The following SGSM2 variants were observed in gnomAD, a reference collection of about 807,000 sequenced individuals.
The protein encoded by SGSM2 is small G protein signaling modulator 2, also known as RUN and TBC1 domain containing 1.
Under a neutral mutation model 126.6 loss-of-function variants are expected in SGSM2, and 89 were observed. That is an observed-to-expected ratio of 0.70 (90% CI 0.59 to 0.84). The LOEUF is 0.84. SGSM2 is among the 40% of genes least tolerant of loss of function. The probability of loss-of-function intolerance (pLI) is 0.00; values close to 1 mark genes in which losing one functional copy is unlikely to be tolerated. For missense variants in SGSM2, 1,404 were observed against 1,416.6 expected (o/e 0.99, Z 0.14); for synonymous variants, 614 against 574.3 (o/e 1.07, Z -0.99).
chr17:2,338,361 C>G (rs2064183062), intron 1 of SGSM2, among the ~76,000 whole-genome samples: 1 of 152,170 alleles, frequency 6.6e-6, no homozygotes, highest in Admixed American at 6.5e-5. Context: ...GGAAGCCCCC[C>G]TACTTCAGAA....
intron 2 of SGSM2, among the ~76,000 whole-genome samples, chr17:2,352,136 C>T (rs944225525): frequency 2.6e-5 from 4 of 152,206 alleles, no homozygotes; most frequent in African/African-American, 7.2e-5. Flanking sequence ...AGTAAAGATA[C>T]TTGATGCTTC....
chr17:2,373,848 T>A (rs569220060), intron 17 of SGSM2: 1 of 272,792 alleles, frequency 3.7e-6, no homozygotes, highest in Admixed American at 4.8e-5. Context: ...TAGTCCCAGA[T>A]CCACTACTGA....
intron 1 of SGSM2, among the ~76,000 whole-genome samples, chr17:2,341,662 A>G (rs545571526): frequency 3.6e-4 from 55 of 152,134 alleles, no homozygotes; most frequent in Non-Finnish European, 4.6e-4. Flanking sequence ...GCACTAGGTA[A>G]TCTCTATAAT....
At chr17:2,370,327 G>A (rs1459513759) in intron 12 of SGSM2, among the ~76,000 whole-genome samples, 1 of 152,250 alleles carries the variant, frequency 6.6e-6, no homozygotes, top group East Asian at 1.9e-4. Context: ...CCCTTAAGCA[G>A]TGCCCTGCCC....
In SGSM2 at chr17:2,337,608, TG is replaced by T; in HGVS notation, c.-77del. The T allele has an allele frequency of 1.0e-6, 1 of 1,000,450 alleles. No homozygotes were observed. The highest frequency in any genetic ancestry group is 1.3e-6 in the Non-Finnish European group (1 of 785,682). 62.0% of individuals were successfully genotyped at this position (1,000,450 alleles called of 1,614,324 possible). On this transcript the variant is annotated 5_prime_UTR_variant, in exon 1 of 24. It removes the in-frame stop codon of an upstream open reading frame in the 5' UTR. Coordinates refer to ENST00000268989, the MANE Select transcript of SGSM2 (RefSeq NM_014853.3). The surrounding 1 kb of genome is among the most constrained non-coding windows in gnomAD (Gnocchi z 5.1). Reference sequence around the variant, plus strand: ...GCGGGCGGGGGCTCCGCCTTGCGCGTGGGGCGCTGAGCCGAGAGGCGCGGAG... The same window carrying T: ...GCGGGCGGGGGCTCCGCCTTGCGCGTGGGCGCTGAGCCGAGAGGCGCGGAG...
rs1474215691 is a variant in SGSM2, at chr17:2,372,524, G to A, written c.1788+36G>A. 2 of 1,587,532 alleles carry A rather than the reference G, an allele frequency of 1.3e-6. No homozygotes were observed. Among genetic ancestry groups the A allele is most frequent in the Middle Eastern group, 1.7e-4 (1 of 5,806 alleles). ...TGGGGTTCCAGGGCCACAGGTCGAG[G>A]GGCTGGGGCGGGCAGGAGTGAGGGC... On this transcript the variant is annotated intron_variant, in intron 15 of 23. Coordinates refer to ENST00000268989, the MANE Select transcript of SGSM2 (RefSeq NM_014853.3). This position sits in a 1 kb window ranked among gnomAD's most constrained non-coding sequence, Gnocchi z 6.0.
At chr17:2,346,279 G>A (rs2064595112) in intron 2 of SGSM2, among the ~76,000 whole-genome samples, 1 of 152,186 alleles carries the variant, frequency 6.6e-6, no homozygotes, top group African/African-American at 2.4e-5. Context: ...AGGGACCCTT[G>A]TGTACTGGGC....
Position 2,367,714 on chromosome 17 carries a change from G to C in SGSM2, c.1423+309G>C, listed in dbSNP as rs1229906373. On this transcript the variant is annotated intron_variant, in intron 12 of 23. Coordinates refer to ENST00000268989, the MANE Select transcript of SGSM2 (RefSeq NM_014853.3). This position sits in a 1 kb window ranked among gnomAD's most constrained non-coding sequence, Gnocchi z 4.0. The stretch of plus-strand genomic sequence containing the variant: ...GGATCTCTGAGCCCATTCCTACTCC[G>C]GGGGTCAGGCTGGCAAATGCCAGAC... Among the ~76,000 whole-genome samples the C allele has an allele frequency of 6.6e-6, 1 of 152,222 alleles. No individual in the cohort carries two copies. Among genetic ancestry groups the C allele is most frequent in the Non-Finnish European group, 1.5e-5 (1 of 68,044 alleles).
Position 2,379,817 on chromosome 17 carries a change from G to A in SGSM2, c.*297G>A. The A allele has an allele frequency of 7.6e-7, 1 of 1,322,896 alleles. No individual in the cohort carries two copies. The highest frequency in any genetic ancestry group is 9.7e-7 in the Non-Finnish European group (1 of 1,031,432). 81.9% of individuals were successfully genotyped at this position (1,322,896 alleles called of 1,614,324 possible). A position where few individuals can be genotyped will look rare whatever the true frequency, so the allele number is the denominator to read the frequency against. ...TCTGGGAGTAGCCCCACTGCCACCT[G>A]CAGCCGCAGCCTGGACTGCTGCCCA... is the stretch of plus-strand genomic sequence containing the variant. On this transcript the variant is annotated 3_prime_UTR_variant, in exon 24 of 24. Coordinates refer to ENST00000268989, the MANE Select transcript of SGSM2 (RefSeq NM_014853.3).
At chr17:2,357,648 C>A (rs1185384308) in intron 2 of SGSM2, among the ~76,000 whole-genome samples, 1 of 152,148 alleles carries the variant, frequency 6.6e-6, no homozygotes, top group African/African-American at 2.4e-5. Context: ...CAGGTGCCCA[C>A]CACGACACCC....
At chr17:2,350,112 G>A (rs1260575548) in intron 2 of SGSM2, among the ~76,000 whole-genome samples, 3 of 151,594 alleles carry the variant, frequency 2.0e-5, no homozygotes, top group Non-Finnish European at 2.9e-5. Context: ...AGTAGAGATG[G>A]GATTTCACCA....
chr17:2,363,798 C>CGA lies in SGSM2; in HGVS notation c.807+201_807+202dup, dbSNP rs2065432288. On this transcript the variant is annotated intron_variant, in intron 7 of 23. Coordinates refer to ENST00000268989, the MANE Select transcript of SGSM2 (RefSeq NM_014853.3). This position sits in a 1 kb window ranked among gnomAD's most constrained non-coding sequence, Gnocchi z 4.2. ...GGGGACAGGAATGGCAGCCAGCAGG[C>CGA]GAGGGGAGTCCGCAGTGTGGGTATG... 2.3e-6 allele frequency: 2 copies of CGA among 881,460 alleles called. No homozygotes were observed. The highest frequency in any genetic ancestry group is 3.4e-6 in the Non-Finnish European group (2 of 588,550). 54.6% of individuals were successfully genotyped at this position (881,460 alleles called of 1,614,324 possible). A position where few individuals can be genotyped will look rare whatever the true frequency, so the allele number is the denominator to read the frequency against.
intron 2 of SGSM2, among the ~76,000 whole-genome samples, chr17:2,358,873 GTTTTTTTTTT>G (rs759581510): frequency 6.5e-4 from 57 of 88,214 alleles, no homozygotes; most frequent in Non-Finnish European, 1.0e-3. Flanking sequence ...TGTTGTTGTT[GTTTTTTTTTT>G]TTTTTTTTTT....
At chr17:2,374,462 A>C (rs1368499002) in intron 17 of SGSM2, 1 of 152,072 alleles carries the variant, frequency 6.6e-6, no homozygotes, top group Non-Finnish European at 1.5e-5. Flanking sequence ...CTGTAGTCCC[A>C]GCTTCTCGGG....
At chr17:2,349,354 G>A (rs1285089857) in intron 2 of SGSM2, among the ~76,000 whole-genome samples, 3 of 146,828 alleles carry the variant, frequency 2.0e-5, no homozygotes, top group Admixed American at 6.9e-5. Flanking sequence ...CAGCCTGGGC[G>A]ACAGAGCGAG....
chr17:2,345,011 C>T (rs1428229695), intron 2 of SGSM2, among the ~76,000 whole-genome samples: 1 of 152,148 alleles, frequency 6.6e-6, no homozygotes, highest in Non-Finnish European at 1.5e-5. Context: ...TGAGTTCATA[C>T]CATGTCCGTT....
At chr17:2,338,125 C>G (rs186861574) in intron 1 of SGSM2, among the ~76,000 whole-genome samples, 2 of 152,084 alleles carry the variant, frequency 1.3e-5, no homozygotes, top group Non-Finnish European at 2.9e-5. Context: ...GCTCCCGCGG[C>G]GCAGGTGGGT....
intron 18 of SGSM2, 32 bp downstream of exon 18, chr17:2,375,907 C>T (rs757252736): frequency 7.3e-6 from 11 of 1,508,214 alleles, no homozygotes; most frequent in East Asian, 4.5e-5. Context: ...TGTTCCCAGC[C>T]GCCCCAGAGG....
chr17:2,364,772 T>A, intron 9 of SGSM2, 109 bp downstream of exon 9: 1 of 1,555,788 alleles, frequency 6.4e-7, no homozygotes, highest in Non-Finnish European at 8.8e-7. Flanking sequence ...CCATCCTTGT[T>A]AATGGGGCTC....
Sources: allele counts gnomAD v4.1 joint callset (sites outside exome capture counted in the v4.1 genomes callset), GRCh38; gene constraint gnomAD v4.1.1; non-coding constraint Gnocchi (gnomAD v3.1); transcripts MANE v1.5; gene names NCBI Gene and HGNC (gene_info 2026-07-23, HGNC 2026-07-21).